Variants in PCSK6 observed in about 807,000 individuals in gnomAD.
PCSK6 encodes paired basic amino acid cleaving enzyme 4.
A neutral mutation model predicts 123.3 loss-of-function variants in PCSK6; 85 were observed. The ratio of observed to expected loss-of-function variants is 0.69; its 90% CI spans 0.58 to 0.83. The LOEUF (loss-of-function observed/expected upper bound fraction) is 0.83. Among genes scored for constraint, PCSK6 ranks in the 40% least tolerant of loss-of-function variants. PCSK6 has a pLI of 0.00. For synonymous variants in PCSK6, 508 were observed against 516.0 expected, an observed-to-expected ratio of 0.98 and a Z score of 0.21; for missense variants, 1,191 against 1,282.3, an observed-to-expected ratio of 0.93 and a Z score of 1.09.
chr15:101,465,552 G>T (rs1399358991), intron 1 of PCSK6, among the ~76,000 whole-genome samples: 1 of 152,148 alleles, frequency 6.6e-6, no homozygotes, highest in South Asian at 2.1e-4. Context: ...GGACAGAGGG[G>T]CCACCTGTTG....
In PCSK6 at chr15:101,312,257, T is replaced by C. The variant is rs536638180; in HGVS notation, c.2699+1119A>G. 6.6e-5 allele frequency: 10 copies of C among 151,864 alleles called. No homozygotes were observed. The South Asian group carries it at 1.8e-3, about 28-fold the overall frequency. The allele number at this position is 151,864 out of a possible 1,614,324, so 9.4% of individuals were successfully genotyped here. A position where few individuals can be genotyped will look rare whatever the true frequency, so the allele number is the denominator to read the frequency against. ...CTGAATAAGACAGGTTGCCCTGCCCTGTTCTGGGTCCTGAGTTCATGATCT... is the reference window on the plus strand; with the variant it reads ...CTGAATAAGACAGGTTGCCCTGCCCCGTTCTGGGTCCTGAGTTCATGATCT... On this transcript the variant is annotated intron_variant, in intron 20 of 21. Transcript: ENST00000611716.
At chr15:101,395,767 T>C (rs2042394425) in intron 7 of PCSK6, among the ~76,000 whole-genome samples, 1 of 152,210 alleles carries the variant, frequency 6.6e-6, no homozygotes, top group Non-Finnish European at 1.5e-5. Context: ...GTTCATTTCA[T>C]GAGCTCAGAA....
chr15:101,403,444 GAA>G (rs975440803), intron 6 of PCSK6, among the ~76,000 whole-genome samples: 2 of 146,304 alleles, frequency 1.4e-5, no homozygotes, highest in African/African-American at 2.5e-5. Flanking sequence ...AAAAGAGAGA[GAA>G]AAAAAAATGG....
intron 15 of PCSK6, among the ~76,000 whole-genome samples, chr15:101,329,294 G>A (rs1028342828): frequency 1.1e-4 from 16 of 152,180 alleles, no homozygotes; most frequent in African/African-American, 3.6e-4. Flanking sequence ...TTGCCGTTGC[G>A]CGCTCAGACC....
chr15:101,460,894 T>A (rs1386241519), intron 1 of PCSK6, among the ~76,000 whole-genome samples: 1 of 152,154 alleles, frequency 6.6e-6, no homozygotes, highest in African/African-American at 2.4e-5. Context: ...ACTGTGGACA[T>A]GACCCCGGGA....
At chr15:101,331,739 A>G (rs79507502) in intron 14 of PCSK6, 50 bp from the exon 15 acceptor site, 2 of 1,487,784 alleles carry the variant, frequency 1.3e-6, no homozygotes, top group Non-Finnish European at 1.9e-6. Flanking sequence ...GGCAAGAGAG[A>G]CACACAACCA....
At chr15:101,367,662 G>T (rs1045840734) in intron 12 of PCSK6, among the ~76,000 whole-genome samples, 83 of 130,040 alleles carry the variant, frequency 6.4e-4, no homozygotes, top group African/African-American at 2.0e-3. Flanking sequence ...GAAGAACCTG[G>T]CAAACTGATA....
intron 2 of PCSK6, among the ~76,000 whole-genome samples, chr15:101,435,387 C>CT (rs2056570302): frequency 6.6e-6 from 1 of 152,136 alleles, no homozygotes; most frequent in African/African-American, 2.4e-5. Flanking sequence ...CATCTGTTGA[C>CT]TTTTCTTGTG....
At chr15:101,488,604 C>T (rs1027186558) in intron 1 of PCSK6, among the ~76,000 whole-genome samples, 3 of 152,158 alleles carry the variant, frequency 2.0e-5, no homozygotes, top group Non-Finnish European at 2.9e-5. Context: ...GACATTGCCA[C>T]TGACTGCAAA....
Position 101,381,532 on chromosome 15 carries a change from G to A in PCSK6, c.1532+560C>T, listed in dbSNP as rs186075612. Among the ~76,000 whole-genome samples the A allele has an allele frequency of 5.9e-5, 9 of 152,276 alleles. No individual in the cohort carries two copies. In the South Asian group the frequency reaches 6.2e-4, roughly 11 times the overall value. On this transcript the variant is annotated intron_variant, in intron 11 of 21. Coordinates refer to ENST00000611716, the MANE Select transcript of PCSK6 (RefSeq NM_002570.5). ...CGCTTAAGCCTTAAGAAGGTTGTAC[G>A]GAGCCAGATAAAAGCCACACAAAGC...
chr15:101,351,464 C>T (rs773985703), intron 13 of PCSK6, among the ~76,000 whole-genome samples: 26 of 152,140 alleles, frequency 1.7e-4, no homozygotes, highest in Non-Finnish European at 4.4e-5. Context: ...AAAAATATTA[C>T]CCAATATTTA....
At chr15:101,368,897 G>A (rs1434434376) in intron 12 of PCSK6, among the ~76,000 whole-genome samples, 1 of 152,162 alleles carries the variant, frequency 6.6e-6, no homozygotes, top group Non-Finnish European at 1.5e-5. Context: ...AAAACACCAC[G>A]GGGAGCAACA....
At chr15:101,325,466 C>T (rs992274514) in intron 16 of PCSK6, among the ~76,000 whole-genome samples, 16 of 152,276 alleles carry the variant, frequency 1.1e-4, no homozygotes, top group African/African-American at 2.4e-4. Context: ...AGCTCGAGGA[C>T]GCCACGAGAG....
chr15:101,436,298 G>A (rs1299851494), intron 2 of PCSK6, among the ~76,000 whole-genome samples: 2 of 152,172 alleles, frequency 1.3e-5, no homozygotes, highest in African/African-American at 2.4e-5. Flanking sequence ...CAGCGGTCCA[G>A]GGGTCCCACA....
rs74036011 is a variant in PCSK6 at position 101,372,539 on chromosome 15, C to T, written c.1533-2016G>A. ...GTTTACTGGCCAGCAGCCCCCGCTG[C>T]GGTAGATGGCGAACACAAGAGAAGG... On this transcript the variant is annotated intron_variant, in intron 11 of 21. Coordinates refer to ENST00000611716, the MANE Select transcript of PCSK6 (RefSeq NM_002570.5). Among the ~76,000 whole-genome samples, 1,287 of 152,318 alleles carry T rather than the reference C, an allele frequency of 8.4e-3. 19 individuals are homozygous for T. Among genetic ancestry groups the T allele is most frequent in the African/African-American group, 0.029 (1,203 of 41,572 alleles).
At chr15:101,438,908 A>G (rs999102) in intron 2 of PCSK6, among the ~76,000 whole-genome samples, 89,957 of 152,152 alleles carry the variant, frequency 0.59, 27,633 homozygotes, top group African/African-American at 0.77. Flanking sequence ...GGAAGAGAGC[A>G]ACAGCAGGGG....
chr15:101,338,311 G>C (rs1441639437), intron 13 of PCSK6, among the ~76,000 whole-genome samples: 1 of 152,182 alleles, frequency 6.6e-6, no homozygotes, highest in Admixed American at 6.5e-5. Context: ...GCTTCTTGGA[G>C]GCTTTAGTTT....
intron 10 of PCSK6, among the ~76,000 whole-genome samples, chr15:101,382,943 A>G (rs558697336): frequency 1.3e-5 from 2 of 152,324 alleles, no homozygotes; most frequent in Non-Finnish European, 2.9e-5. Flanking sequence ...TATTAAAAGG[A>G]ATGTCCCTCG....
intron 2 of PCSK6, among the ~76,000 whole-genome samples, chr15:101,442,326 A>G (rs2056776061): frequency 6.6e-6 from 1 of 152,156 alleles, no homozygotes; most frequent in Non-Finnish European, 1.5e-5. Context: ...CTATCCATCC[A>G]TTCATCCATC....
Sources: allele counts gnomAD v4.1 joint callset (sites outside exome capture counted in the v4.1 genomes callset), GRCh38; gene constraint gnomAD v4.1.1; transcripts MANE v1.5; gene names NCBI Gene and HGNC (gene_info 2026-07-23, HGNC 2026-07-21).